The following UGT1A3 variants were observed in gnomAD, a reference collection of about 807,000 sequenced individuals.
UGT1A3 encodes UDP glucuronosyltransferase family 1 member A3, also known as UDP-glucuronosyltransferase 1A3.
UGT1A3 carries 31 observed loss-of-function variants against 41.0 expected under a neutral mutation model. The ratio of observed to expected loss-of-function variants is 0.76; its 90% CI spans 0.57 to 1.02. The LOEUF is 1.02. Ranked by LOEUF, UGT1A3 falls within the 50% of genes least tolerant of loss-of-function variation. UGT1A3 has a pLI of 0.00. For synonymous variants in UGT1A3, 262 were observed against 257.6 expected, an observed-to-expected ratio of 1.02 and a Z score of -0.17; for missense variants, 737 against 671.0, an observed-to-expected ratio of 1.10 and a Z score of -1.09.
chr2:233,747,223 G>C, intron 1 of UGT1A3: 1 of 1,605,538 alleles, frequency 6.2e-7, no homozygotes, highest in Non-Finnish European at 8.5e-7. Context: ...GATGGCCACA[G>C]GACCCCAGGT....
At chr2:233,767,292 T>C in intron 2 of UGT1A3, 127 bp downstream of exon 2, 1 of 1,553,044 alleles carries the variant, frequency 6.4e-7, no homozygotes, top group South Asian at 1.2e-5. Context: ...ACTTCCCAAC[T>C]ATTAATCCAA....
At position 233,747,357 on chromosome 2, in the gene UGT1A3, C is replaced by T. The variant is rs115834808; in HGVS notation, c.867+17364C>T. On this transcript the variant is annotated intron_variant, in intron 1 of 4. Coordinates refer to ENST00000482026, the MANE Select transcript of UGT1A3 (RefSeq NM_019093.4). ...ACTGGCTCGCATGCGGGAGGCCGTG[C>T]GGGAGCTCCATGCCAGAGGCCACCA... 7.9e-3 allele frequency: 12,675 copies of T among 1,602,394 alleles called. 83 individuals are homozygous for T. The highest frequency in any genetic ancestry group is 9.8e-3 in the Non-Finnish European group (11,526 of 1,171,410).
chr2:233,729,112 G>C lies in UGT1A3; in HGVS notation c.-15G>C. On this transcript the variant is annotated 5_prime_UTR_variant, in exon 1 of 5. Transcript: ENST00000482026. ...GCGTGGGGTGGACAGTCAGCTGTCC[G>C]TGTCTTCTGCTGAGATGGCCACAGG... The C allele has an allele frequency of 6.2e-7, 1 of 1,612,932 alleles. No homozygotes were observed. The highest frequency in any genetic ancestry group is 8.5e-7 in the Non-Finnish European group (1 of 1,179,928).
intron 1 of UGT1A3, among the ~76,000 whole-genome samples, chr2:233,757,244 T>G (rs1696450978): frequency 1.0e-5 from 1 of 99,552 alleles, no homozygotes; most frequent in African/African-American, 4.0e-5. Context: ...GGTGGTGAGG[T>G]GGGGTTATTC....
At chr2:233,740,090 C>T (rs1463854417) in intron 1 of UGT1A3, among the ~76,000 whole-genome samples, 1 of 151,842 alleles carries the variant, frequency 6.6e-6, no homozygotes, top group Non-Finnish European at 1.5e-5. Context: ...CGCCTGCTGC[C>T]ATGTGAGACA....
chr2:233,766,910 T>C (rs960990875), intron 1 of UGT1A3, 124 bp from the exon 2 acceptor site: 6 of 1,519,286 alleles, frequency 3.9e-6, no homozygotes, highest in East Asian at 2.3e-5. Context: ...TTTTTTACTC[T>C]ATCTCAAACA....
Position 233,769,857 on chromosome 2 carries a change from CAAAAAA to C in UGT1A3, c.1307+1430_1307+1435del. 2.7e-5 allele frequency: 6 copies of C among 223,658 alleles called. No homozygotes were observed. Among genetic ancestry groups the C allele is most frequent in the Non-Finnish European group, 3.2e-5 (4 of 125,112 alleles). The allele number at this position is 223,658 out of a possible 1,614,324, so 13.9% of individuals were successfully genotyped here. On this transcript the variant is annotated intron_variant, in intron 4 of 4. Transcript: ENST00000482026. This position sits in a 1 kb window ranked among gnomAD's most constrained non-coding sequence, Gnocchi z 4.4. ...TGGGCAACAGAGTGAGACCCTGTCT[CAAAAAA>C]AAAAAAAAAAATGAAAAGTCCACAT...
rs376676972 is a variant in UGT1A3, at chr2:233,729,353, C to T, written c.227C>T (p.Thr76Ile). The change falls in exon 1 of 5, where the codon ACC becomes ATC. Residue 76 changes from threonine (T) to isoleucine (I), a missense_variant. Thr to Ile is a moderately conservative substitution (Grantham distance 89, BLOSUM62 -1). Coordinates refer to ENST00000482026, the MANE Select transcript of UGT1A3 (RefSeq NM_019093.4). ...NMHIKEENFF[T>I]LTTYAISWTQ... ...CACATCAAAGAAGAGAACTTTTTCACCCTGACAACCTATGCCATTTCGTGG... is the reference window on the plus strand; with the variant it reads ...CACATCAAAGAAGAGAACTTTTTCATCCTGACAACCTATGCCATTTCGTGG... 2.5e-5 allele frequency: 40 copies of T among 1,614,044 alleles called. No individual in the cohort carries two copies. The African/African-American group carries it at 5.1e-4, about 20-fold the overall frequency.
chr2:233,771,547 G>A (rs1443760906), intron 4 of UGT1A3: 1 of 152,190 alleles, frequency 6.6e-6, no homozygotes, highest in Non-Finnish European at 1.5e-5. Context: ...ACTTACAAAT[G>A]GCTGTTAATT....
At chr2:233,751,081 C>A (rs1306990263) in intron 1 of UGT1A3, among the ~76,000 whole-genome samples, 1 of 151,926 alleles carries the variant, frequency 6.6e-6, no homozygotes, top group African/African-American at 2.4e-5. Context: ...CCTCTGAAGG[C>A]AGCCAGGAGG....
At chr2:233,764,352 G>A (rs1698541814) in intron 1 of UGT1A3, among the ~76,000 whole-genome samples, 1 of 152,214 alleles carries the variant, frequency 6.6e-6, no homozygotes, top group Admixed American at 6.5e-5. Context: ...CCTTTATTGA[G>A]CCTCATAGTA....
chr2:233,755,135 T>C, intron 1 of UGT1A3: 2 of 1,315,650 alleles, frequency 1.5e-6, no homozygotes, highest in Non-Finnish European at 2.1e-6. Context: ...CCTGCTTGAA[T>C]CTTCTCACCG....
chr2:233,767,947 C>T lies in UGT1A3; in HGVS notation c.1087+11C>T, dbSNP rs61764033. On this transcript the variant is annotated intron_variant, in intron 3 of 4. Coordinates refer to ENST00000482026, the MANE Select transcript of UGT1A3 (RefSeq NM_019093.4). ...AAAACGATCTGCTTGGTATGTTGGG[C>T]GGATTGGATGTATAGGTCAAACCAG... 4.4e-5 allele frequency: 71 copies of T among 1,614,092 alleles called. No individual in the cohort carries two copies. Among genetic ancestry groups the T allele is most frequent in the Middle Eastern group, 1.6e-4 (1 of 6,062 alleles).
rs760546149 is a variant in UGT1A3 at position 233,729,923 on chromosome 2, C to G, written c.797C>G (p.Pro266Arg). Reference protein sequence around the residue: ...LFRGDFVMDYPRPIMPNMVFI... With the variant: ...LFRGDFVMDYRRPIMPNMVFI... Reference sequence around the variant, plus strand: ...CGAGGGGACTTTGTGATGGACTACCCCAGGCCAATCATGCCCAACATGGTC... The same window carrying G: ...CGAGGGGACTTTGTGATGGACTACCGCAGGCCAATCATGCCCAACATGGTC... The change falls in exon 1 of 5, where the codon CCC becomes CGC. Residue 266 changes from proline to arginine, a missense_variant. Pro to Arg is a moderately radical substitution (Grantham distance 103, BLOSUM62 -2). Transcript: ENST00000482026. The G allele has an allele frequency of 6.2e-7, 1 of 1,614,016 alleles. No individual in the cohort carries two copies. Among genetic ancestry groups the G allele is most frequent in the Non-Finnish European group, 8.5e-7 (1 of 1,179,914 alleles).
intron 1 of UGT1A3, chr2:233,761,044 G>A: frequency 1.9e-6 from 3 of 1,614,190 alleles, no homozygotes; most frequent in Non-Finnish European, 2.5e-6. Context: ...CTCTGCATCT[G>A]TCTGGCTGTT....
At position 233,744,023 on chromosome 2, in the gene UGT1A3, C is replaced by T. The variant is rs374542514; in HGVS notation, c.867+14030C>T. 1.7e-4 allele frequency: 161 copies of T among 963,346 alleles called. 1 individual carries two copies. In the Middle Eastern group the frequency reaches 2.6e-3, roughly 15 times the overall value. The allele number at this position is 963,346 out of a possible 1,614,324, so 59.7% of individuals were successfully genotyped here. On this transcript the variant is annotated intron_variant, in intron 1 of 4. Coordinates refer to ENST00000482026, the MANE Select transcript of UGT1A3 (RefSeq NM_019093.4). ...CGGAGACCTGGGCCGCCTGGAGAGA[C>T]GCCCCTTATGACGCAGCCACATCTC...
At chr2:233,737,571 C>T (rs1014151357) in intron 1 of UGT1A3, among the ~76,000 whole-genome samples, 3 of 152,196 alleles carry the variant, frequency 2.0e-5, no homozygotes, top group African/African-American at 7.2e-5. Flanking sequence ...CACCCACTAT[C>T]CAACCAGTCC....
intron 1 of UGT1A3, chr2:233,755,457 C>G: frequency 1.4e-5 from 4 of 284,208 alleles, no homozygotes; most frequent in Non-Finnish European, 2.8e-5. Context: ...TGGGACTGGC[C>G]CTGCTCTCTG....
In UGT1A3 at chr2:233,772,505, A is replaced by T. The variant is rs772037816; in HGVS notation, c.1551A>T (p.Lys517Asn). 13 of 1,614,204 alleles carry T rather than the reference A, an allele frequency of 8.1e-6. No individual in the cohort carries two copies. Among genetic ancestry groups the T allele is most frequent in the South Asian group, 1.1e-5 (1 of 91,082 alleles). ...TFKCCAYGYR[K>N]CLGKKGRVKK... is the part of the protein sequence containing the mutation. ...AATGTTGTGCTTATGGCTACCGGAA[A>T]TGCTTGGGGAAAAAAGGGCGAGTTA... The change falls in exon 5 of 5, where the codon AAA (lysine) becomes AAT (asparagine). Residue 517 changes from lysine (K) to asparagine (N), a missense_variant. Transcript: ENST00000482026.
Sources: gnomAD v4.1 joint callset for allele counts (sites outside exome capture counted in the v4.1 genomes callset) on GRCh38, gnomAD v4.1.1 for gene constraint, Gnocchi (gnomAD v3.1) non-coding constraint, MANE v1.5 for transcripts, NCBI Gene and HGNC (gene_info 2026-07-23, HGNC 2026-07-21) for gene names.